Variants in ATXN2 observed in about 807,000 individuals in gnomAD.
ATXN2 encodes the protein ataxin 2.
In ATXN2, 37 loss-of-function variants were observed where a neutral mutation model predicts 138.6. The ratio of observed to expected loss-of-function variants is 0.27; its 90% CI spans 0.21 to 0.35. The LOEUF (loss-of-function observed/expected upper bound fraction) is 0.35, where lower values mean the gene tolerates loss of function less well. ATXN2 is among the 10% of genes least tolerant of loss of function. ATXN2 has a pLI of 1.00. For synonymous variants in ATXN2, 549 were observed against 543.7 expected, an observed-to-expected ratio of 1.01 and a Z score of -0.13; for missense variants, 1,216 against 1,480.3, an observed-to-expected ratio of 0.82 and a Z score of 2.93.
intron 18 of ATXN2, among the ~76,000 whole-genome samples, chr12:111,477,180 T>TAA (rs57940846): frequency 0.014 from 1,680 of 121,650 alleles, 32 homozygotes; most frequent in African/African-American, 0.038. Flanking sequence ...CTGTCTCTAC[T>TAA]AAAAAAAAAA....
intron 18 of ATXN2, among the ~76,000 whole-genome samples, chr12:111,483,313 T>C (rs1464713862): frequency 1.3e-5 from 2 of 150,830 alleles, no homozygotes; most frequent in African/African-American, 4.9e-5. Flanking sequence ...AGAAAGGCAA[T>C]TATTGGGCAC....
Position 111,552,619 on chromosome 12 carries a change from G to GT in ATXN2, c.421-190dup, listed in dbSNP as rs1347665129. 5 of 652,154 alleles carry GT rather than the reference G, an allele frequency of 7.7e-6. No individual in the cohort carries two copies. Among genetic ancestry groups the GT allele is most frequent in the Non-Finnish European group, 1.2e-5 (5 of 417,036 alleles). The allele number at this position is 652,154 out of a possible 1,614,324, so 40.4% of individuals were successfully genotyped here. ...CATTTAAAAATCCTCATATCTAAATGTTTTTTGTTTCTATGGTTTGTCTTA... is the reference window on the plus strand; with the variant it reads ...CATTTAAAAATCCTCATATCTAAATGTTTTTTTGTTTCTATGGTTTGTCTTA... On this transcript the variant is annotated intron_variant, in intron 4 of 24. Transcript: ENST00000673436. The surrounding 1 kb of genome is among the most constrained non-coding windows in gnomAD (Gnocchi z 4.1).
chr12:111,454,477 G>C (rs1363381078), intron 23 of ATXN2: 1 of 154,024 alleles, frequency 6.5e-6, no homozygotes, highest in Non-Finnish European at 1.4e-5. Flanking sequence ...GTTTTTAATG[G>C]CTCCAGTGAG....
intron 1 of ATXN2, among the ~76,000 whole-genome samples, chr12:111,596,447 AT>A (rs145816890): frequency 6.6e-6 from 1 of 152,110 alleles, no homozygotes; most frequent in Non-Finnish European, 1.5e-5. Flanking sequence ...TTTCAAGCAT[AT>A]TTTGCTATCT....
In ATXN2 at chr12:111,599,282, C is replaced by T. The variant is rs1448276219; in HGVS notation, c.-248G>A. 4 of 1,073,122 alleles carry T rather than the reference C, an allele frequency of 3.7e-6. No homozygotes were observed. The highest frequency in any genetic ancestry group is 4.5e-6 in the Non-Finnish European group (4 of 891,568). 66.5% of individuals were successfully genotyped at this position (1,073,122 alleles called of 1,614,324 possible). On this transcript the variant is annotated 5_prime_UTR_variant, in exon 1 of 25. Transcript: ENST00000673436. Reference sequence around the variant, plus strand: ...CGCGCCGCCGCCGTTGCCGTTGCTACCAAAACAGTCTGAGGCGGAGGGAGG... The same window carrying T: ...CGCGCCGCCGCCGTTGCCGTTGCTATCAAAACAGTCTGAGGCGGAGGGAGG...
chr12:111,503,802 C>T (rs1411469660), intron 14 of ATXN2, among the ~76,000 whole-genome samples: 1 of 151,936 alleles, frequency 6.6e-6, no homozygotes, highest in Non-Finnish European at 1.5e-5. Flanking sequence ...GTTATCCAGG[C>T]TGGTCTCAAA....
intron 1 of ATXN2, among the ~76,000 whole-genome samples, chr12:111,574,924 TA>T (rs1306651560): frequency 6.6e-6 from 1 of 152,210 alleles, no homozygotes; most frequent in East Asian, 1.9e-4. Context: ...TGAATTTGAA[TA>T]GGTCATTTAA....
intron 15 of ATXN2, 106 bp from the exon 16 acceptor site, chr12:111,486,930 G>C: frequency 1.2e-6 from 1 of 858,400 alleles, no homozygotes; most frequent in African/African-American, 1.7e-5. Context: ...GATTTAAACT[G>C]TTCTCACTAG....
intron 1 of ATXN2, among the ~76,000 whole-genome samples, chr12:111,574,661 G>T (rs928620645): frequency 2.0e-5 from 3 of 151,680 alleles, no homozygotes; most frequent in African/African-American, 2.4e-5. Context: ...GAGCTCAAGC[G>T]ACCCTCCTCC....
At chr12:111,514,844 T>C (rs1879766011) in intron 10 of ATXN2, among the ~76,000 whole-genome samples, 1 of 152,192 alleles carries the variant, frequency 6.6e-6, no homozygotes. Flanking sequence ...TGTTATACAC[T>C]ATAATTTTCA....
At chr12:111,513,809 G>A (rs931352481) in intron 10 of ATXN2, among the ~76,000 whole-genome samples, 3 of 151,824 alleles carry the variant, frequency 2.0e-5, no homozygotes, top group Non-Finnish European at 2.9e-5. Flanking sequence ...TGAAGTTGGT[G>A]GTAAGAAATC....
At chr12:111,471,440 G>A (rs1876409042) in intron 18 of ATXN2, 1 of 152,192 alleles carries the variant, frequency 6.6e-6, no homozygotes, top group African/African-American at 2.4e-5. Flanking sequence ...CTTCCCATGT[G>A]CCTCTTTCCT....
intron 5 of ATXN2, among the ~76,000 whole-genome samples, chr12:111,544,976 G>A (rs1168113313): frequency 3.3e-5 from 5 of 151,878 alleles, no homozygotes; most frequent in East Asian, 3.9e-4. Context: ...TAGCTAACAC[G>A]GTGAAACCCC....
chr12:111,467,307 C>CTTTTTTTTT lies in ATXN2; in HGVS notation c.2843-2601_2843-2593dup, dbSNP rs61507608. On this transcript the variant is annotated intron_variant, in intron 20 of 24. Transcript: ENST00000673436. ...ACAGGCATGTGCCACCATGACTGGG[C>CTTTTTTTTT]TTTTTTTTTTTTTTTTTTTTTTTTT... is the stretch of plus-strand genomic sequence containing the variant. Among the ~76,000 whole-genome samples, 8 of 34,830 alleles carry CTTTTTTTTT rather than the reference C, an allele frequency of 2.3e-4. 2 individuals carry two copies. The highest frequency in any genetic ancestry group is 1.2e-3 in the African/African-American group (8 of 6,566). 22.8% of individuals were successfully genotyped at this position (34,830 alleles called of 152,430 possible). A position where few individuals can be genotyped will look rare whatever the true frequency, so the allele number is the denominator to read the frequency against.
At chr12:111,536,443 CAAT>C (rs1292669005) in intron 5 of ATXN2, among the ~76,000 whole-genome samples, 1 of 151,924 alleles carries the variant, frequency 6.6e-6, no homozygotes. Context: ...AAGAGACAGA[CAAT>C]AACAAATGCT....
intron 18 of ATXN2, among the ~76,000 whole-genome samples, chr12:111,475,980 C>G (rs1479424950): frequency 6.6e-6 from 1 of 152,206 alleles, no homozygotes. Flanking sequence ...AATACAGGGT[C>G]TCCTTCTGTC....
At chr12:111,460,196 G>A (rs1443802601) in intron 21 of ATXN2, among the ~76,000 whole-genome samples, 2 of 152,014 alleles carry the variant, frequency 1.3e-5, no homozygotes, top group Admixed American at 1.3e-4. Context: ...ATTCTCCTGT[G>A]TCAGCCTCCT....
chr12:111,469,916 G>C, intron 20 of ATXN2, 192 bp downstream of exon 20: 1 of 561,470 alleles, frequency 1.8e-6, no homozygotes. Context: ...CTGAAGACCA[G>C]GTACAGAAGT....
At chr12:111,456,337 GCACACT>G in intron 22 of ATXN2, 81 bp from the exon 23 acceptor site, 2 of 1,442,782 alleles carry the variant, frequency 1.4e-6, no homozygotes, top group Non-Finnish European at 1.9e-6. Flanking sequence ...GCTAAGCTTT[GCACACT>G]TGGGCCTATG....
Sources: allele counts gnomAD v4.1 joint callset (sites outside exome capture counted in the v4.1 genomes callset), GRCh38; gene constraint gnomAD v4.1.1; non-coding constraint Gnocchi (gnomAD v3.1); transcripts MANE v1.5; gene names NCBI Gene and HGNC (gene_info 2026-07-23, HGNC 2026-07-21).